The following PYROXD2 variants were observed in gnomAD, a reference collection of about 807,000 sequenced individuals.
The protein encoded by PYROXD2 is pyridine nucleotide-disulfide oxidoreductase domain-containing protein 2.
In PYROXD2, 69 loss-of-function variants were observed where a neutral mutation model predicts 71.1. The observed-to-expected ratio is 0.97, with a 90% CI of 0.80 to 1.19. The LOEUF is 1.19. PYROXD2 is among the 50% of genes most tolerant of loss of function. The probability of loss-of-function intolerance (pLI) is 0.00; values close to 1 mark genes in which losing one functional copy is unlikely to be tolerated. For synonymous variants in PYROXD2, 287 were observed against 302.7 expected (o/e 0.95, Z 0.54); for missense variants, 745 against 748.9 (o/e 0.99, Z 0.06).
chr10:98,404,530 C>T (rs142313537), intron 4 of PYROXD2, among the ~76,000 whole-genome samples: 152 of 151,986 alleles, frequency 1.0e-3, no homozygotes, highest in African/African-American at 3.5e-3. Flanking sequence ...AAGATTTGTT[C>T]GGATTATGAA....
chr10:98,411,516 CCA>C (rs2136038807), intron 1 of PYROXD2: 1 of 152,348 alleles, frequency 6.6e-6, no homozygotes, highest in South Asian at 2.1e-4. Flanking sequence ...TTGCCAATCC[CCA>C]GTGTTCCAAA....
chr10:98,414,837 G>T, intron 1 of PYROXD2, 172 bp downstream of exon 1: 2 of 1,004,730 alleles, frequency 2.0e-6, no homozygotes, highest in South Asian at 2.0e-5. Context: ...GTGCCTGCCT[G>T]CCAGATGGAA....
rs775945526 is a variant in PYROXD2 at position 98,395,407 on chromosome 10, G to T, written c.671C>A (p.Thr224Lys). ...AQLPRYYEVL[T>K]APITKVLDQW... ...ACCACTCACCTTGGTAATGGGAGCTGTGAGGACCTCATAATATCGGGGAAG... is the reference window on the plus strand; with the variant it reads ...ACCACTCACCTTGGTAATGGGAGCTTTGAGGACCTCATAATATCGGGGAAG... Residue 224 changes from threonine (T) to lysine (K), a missense_variant, in exon 7 of 16, where the codon ACA (threonine) becomes AAA (lysine). Physicochemically the swap from Thr to Lys is moderately conservative, Grantham distance 78. Transcript: ENST00000370575. 1.6e-5 allele frequency: 26 copies of T among 1,614,094 alleles called. No homozygotes were observed. Among genetic ancestry groups the T allele is most frequent in the Non-Finnish European group, 2.1e-5 (25 of 1,179,998 alleles).
rs772512249 is a variant in PYROXD2, at chr10:98,407,550, T to C, written c.315+32A>G. 6 of 1,611,452 alleles carry C rather than the reference T, an allele frequency of 3.7e-6. No individual in the cohort carries two copies. The South Asian group carries it at 6.6e-5, about 18-fold the overall frequency. ...TGGGAAGATGGAACTGCCTCCTCCC[T>C]CCGTGCAATCGGGCCGGCGGGGGGG... On this transcript the variant is annotated intron_variant, in intron 4 of 15. Transcript: ENST00000370575.
intron 5 of PYROXD2, 143 bp downstream of exon 5, chr10:98,399,959 C>A: frequency 1.0e-6 from 1 of 971,810 alleles, no homozygotes; most frequent in Admixed American, 3.1e-5. Context: ...CAAGAGCTGC[C>A]ACCAACTGGA....
At chr10:98,408,875 AGG>A (rs1843697492) in intron 2 of PYROXD2, among the ~76,000 whole-genome samples, 2 of 152,222 alleles carry the variant, frequency 1.3e-5, no homozygotes, top group African/African-American at 2.4e-5. Flanking sequence ...ACCAGCCAAG[AGG>A]TAGGTACTAT....
intron 5 of PYROXD2, among the ~76,000 whole-genome samples, chr10:98,398,257 G>A (rs940279550): frequency 6.6e-6 from 1 of 152,024 alleles, no homozygotes; most frequent in African/African-American, 2.4e-5. Flanking sequence ...TCTGTAGGTC[G>A]TCTCCCATGC....
intron 3 of PYROXD2, 112 bp downstream of exon 3, chr10:98,407,792 G>A: frequency 9.3e-7 from 1 of 1,069,930 alleles, no homozygotes; most frequent in Non-Finnish European, 1.3e-6. Context: ...CAGGGATGGA[G>A]ACCGTCACCC....
At chr10:98,411,055 T>G in intron 1 of PYROXD2, 97 bp from the exon 2 acceptor site, 1 of 1,527,196 alleles carries the variant, frequency 6.5e-7, no homozygotes, top group Non-Finnish European at 8.9e-7. Flanking sequence ...CCCGTCCCCA[T>G]GCCATGAAGA....
chr10:98,413,008 A>T (rs773829123), intron 1 of PYROXD2, among the ~76,000 whole-genome samples: 3 of 152,252 alleles, frequency 2.0e-5, no homozygotes, highest in African/African-American at 2.4e-5. Context: ...TAAATAAATT[A>T]AAAACAAAGG....
At chr10:98,393,124 C>G (rs771345773) in intron 8 of PYROXD2, 41 bp from the exon 9 acceptor site, 2 of 1,459,192 alleles carry the variant, frequency 1.4e-6, no homozygotes, top group Non-Finnish European at 1.8e-6. Flanking sequence ...GAGGTGGGAT[C>G]TCATCTCCCC....
Position 98,398,951 on chromosome 10 carries a change from C to T in PYROXD2, c.471+1151G>A, listed in dbSNP as rs569553507. Among the ~76,000 whole-genome samples the T allele has an allele frequency of 3.0e-3, 451 of 152,124 alleles. 2 individuals are homozygous for T. Among genetic ancestry groups the T allele is most frequent in the African/African-American group, 0.011 (440 of 41,482 alleles). On this transcript the variant is annotated intron_variant, in intron 5 of 15. Coordinates refer to ENST00000370575, the MANE Select transcript of PYROXD2 (RefSeq NM_032709.3). ...AAGAGTTCCAGACCAGCCTGGGCAA[C>T]ATAGTGAGACTTTTGTCTCTACAAA...
rs760021499 is a variant in PYROXD2 at position 98,397,460 on chromosome 10, TG to T, written c.509del (p.Ala170AspfsTer2). On this transcript the variant is annotated frameshift_variant, in exon 6 of 16. Coordinates refer to ENST00000370575, the MANE Select transcript of PYROXD2 (RefSeq NM_032709.3). LOFTEE classifies it high-confidence loss of function. ...PKYEEFMHRL[A>X]LAIDPLLDAA... ...CATCCAGCAGAGGGTCAATGGCTAA[TG>T]CCAAGCGATGCATGAACTCCTCATA... is the stretch of plus-strand genomic sequence containing the variant. 1 of 1,612,292 alleles carries T rather than the reference TG, an allele frequency of 6.2e-7. No homozygotes were observed. Among genetic ancestry groups the T allele is most frequent in the Non-Finnish European group, 8.5e-7 (1 of 1,178,844 alleles).
chr10:98,414,774 G>T, intron 1 of PYROXD2: 1 of 516,466 alleles, frequency 1.9e-6, no homozygotes, highest in East Asian at 3.3e-5. Context: ...CAAGCCCAGA[G>T]AAGGCAAGCA....
At chr10:98,391,932 C>T (rs1234848702) in intron 10 of PYROXD2, among the ~76,000 whole-genome samples, 1 of 152,158 alleles carries the variant, frequency 6.6e-6, no homozygotes, top group African/African-American at 2.4e-5. Context: ...GCAAGCTGAC[C>T]CACAGCCAAC....
chr10:98,400,199 T>A lies in PYROXD2; in HGVS notation c.374A>T (p.Glu125Val). ...NPYSFTPMLE[E>V]GAGSKVPRCL... Reference sequence around the variant, plus strand: ...CCTGGGCACCTTGCTGCCTGCACCCTCTTCCAGCATGGGGGTGAAGGAGTA... The same window carrying A: ...CCTGGGCACCTTGCTGCCTGCACCCACTTCCAGCATGGGGGTGAAGGAGTA... The change falls in exon 5 of 16, where the codon GAG becomes GTG. Residue 125 changes from glutamate (E) to valine (V), a missense_variant. Transcript: ENST00000370575. The A allele has an allele frequency of 6.2e-6, 10 of 1,613,130 alleles. No homozygotes were observed. Among genetic ancestry groups the A allele is most frequent in the Non-Finnish European group, 8.5e-6 (10 of 1,179,554 alleles).
chr10:98,390,802 C>T (rs1414022292), intron 11 of PYROXD2, 48 bp from the exon 12 acceptor site: 1 of 1,535,256 alleles, frequency 6.5e-7, no homozygotes, highest in Admixed American at 2.0e-5. Flanking sequence ...CAAGGTCCTC[C>T]CTCTACAGCC....
At chr10:98,397,562 A>G in intron 5 of PYROXD2, 64 bp from the exon 6 acceptor site, 1 of 1,465,182 alleles carries the variant, frequency 6.8e-7, no homozygotes, top group Non-Finnish European at 9.1e-7. Flanking sequence ...CTGTCCCCAG[A>G]TGGCCTGTCA....
intron 8 of PYROXD2, among the ~76,000 whole-genome samples, chr10:98,393,631 C>G (rs2135951934): frequency 6.6e-6 from 1 of 152,278 alleles, no homozygotes; most frequent in Admixed American, 6.5e-5. Flanking sequence ...TCTTCTCTTC[C>G]TTATGCTGCT....
Sources: gnomAD v4.1 joint callset for allele counts (sites outside exome capture counted in the v4.1 genomes callset) on GRCh38, gnomAD v4.1.1 for gene constraint, MANE v1.5 for transcripts, NCBI Gene and HGNC (gene_info 2026-07-23, HGNC 2026-07-21) for gene names.